RACGAP1: variants seen among roughly 807,000 people sequenced by gnomAD.
RACGAP1 encodes rac GTPase-activating protein 1.
In RACGAP1, 30 loss-of-function variants were observed where a neutral mutation model predicts 78.1. The observed-to-expected ratio is 0.38, with a 90% CI of 0.29 to 0.52. The LOEUF (loss-of-function observed/expected upper bound fraction) is 0.52, where lower values mean the gene tolerates loss of function less well. Among genes scored for constraint, RACGAP1 ranks in the 20% least tolerant of loss-of-function variants. RACGAP1 has a pLI of 0.82. For missense variants in RACGAP1, 587 were observed against 777.1 expected, an observed-to-expected ratio of 0.76 and a Z score of 2.91; for synonymous variants, 231 against 264.8, an observed-to-expected ratio of 0.87 and a Z score of 1.24.
At chr12:49,994,607 T>A in intron 10 of RACGAP1, 98 bp from the exon 11 acceptor site, 2 of 1,473,088 alleles carry the variant, frequency 1.4e-6, no homozygotes, top group Non-Finnish European at 1.8e-6. Flanking sequence ...ATTCTCAAAC[T>A]GGGACATCAT....
At chr12:50,026,879 A>G (rs1273324689), upstream of RACGAP1, among the ~76,000 whole-genome samples, 4 of 152,046 alleles carry the variant, frequency 2.6e-5, no homozygotes, top group Admixed American at 2.6e-4. Flanking sequence ...GGGTCTCACT[A>G]TGTTGTCCAG....
rs1275993571 is a variant in RACGAP1, at chr12:50,005,286, T to G, written c.395A>C (p.Gln132Pro). 1.7e-5 allele frequency: 28 copies of G among 1,614,222 alleles called. No homozygotes were observed. The highest frequency in any genetic ancestry group is 2.3e-5 in the Non-Finnish European group (27 of 1,180,022). The change falls in exon 4 of 17, where the codon CAA (glutamine) becomes CCA (proline). Residue 132 changes from glutamine (Q) to proline (P), a missense_variant. Gln to Pro is a moderately conservative substitution (Grantham distance 76, BLOSUM62 -1). Transcript: ENST00000312377. ...GTTCCCAGCATTGCTGCTGGATGGTTGGCCTCTGTTGAGAAAAGCCAGAGC... is the reference window on the plus strand; with the variant it reads ...GTTCCCAGCATTGCTGCTGGATGGTGGGCCTCTGTTGAGAAAAGCCAGAGC... ...KSALAFLNRG[Q>P]PSSSNAGNKR...
intron 2 of RACGAP1, among the ~76,000 whole-genome samples, chr12:50,009,638 C>T (rs983342802): frequency 1.3e-5 from 2 of 152,148 alleles, no homozygotes; most frequent in African/African-American, 4.8e-5. Flanking sequence ...ATCTGTTGAA[C>T]AAATGAATGA....
intron 10 of RACGAP1, 44 bp downstream of exon 10, chr12:49,996,996 G>A (rs374715357): frequency 1.6e-5 from 23 of 1,426,914 alleles, no homozygotes; most frequent in African/African-American, 2.9e-5. Flanking sequence ...TTTGAAAGGC[G>A]AATAAAGAGG....
chr12:49,991,873 A>G lies in RACGAP1; in HGVS notation c.1714+125T>C, dbSNP rs575521598. 3.1e-5 allele frequency: 48 copies of G among 1,532,962 alleles called. No individual in the cohort carries two copies. In the East Asian group the frequency reaches 1.1e-3, roughly 35 times the overall value. 95.0% of individuals were successfully genotyped at this position (1,532,962 alleles called of 1,614,324 possible). ...AAAAGCAAAAAAAAATTACGATGGTAGAATTATACAAATTTTCCTTTAATG... is the reference window on the plus strand; with the variant it reads ...AAAAGCAAAAAAAAATTACGATGGTGGAATTATACAAATTTTCCTTTAATG... On this transcript the variant is annotated intron_variant, in intron 15 of 16. Transcript: ENST00000312377.
intron 9 of RACGAP1, among the ~76,000 whole-genome samples, chr12:49,997,506 C>T (rs1438641933): frequency 6.6e-6 from 1 of 152,020 alleles, no homozygotes; most frequent in Admixed American, 6.6e-5. Flanking sequence ...GAACTCCTGA[C>T]CTTGTGATTC....
rs143570421 is a variant in RACGAP1 at position 50,016,040 on chromosome 12, C to T, written c.85+591G>A. Among the ~76,000 whole-genome samples, 255 of 152,120 alleles carry T rather than the reference C, an allele frequency of 1.7e-3. 1 individual carries two copies. Among genetic ancestry groups the T allele is most frequent in the African/African-American group, 5.7e-3 (238 of 41,532 alleles). On this transcript the variant is annotated intron_variant, in intron 2 of 16. Transcript: ENST00000312377. ...ACATCCTAGTAAATTTTTCCCAGTT[C>T]ATGGCACAGAAAATAGTGCCAACTA...
intron 10 of RACGAP1, among the ~76,000 whole-genome samples, chr12:49,995,289 G>A (rs1349333649): frequency 6.6e-6 from 1 of 151,974 alleles, no homozygotes; most frequent in African/African-American, 2.4e-5. Context: ...TGGAGGTTGT[G>A]GTGAGTCGAG....
rs1369435115 is a variant in RACGAP1, at chr12:49,992,038, GT to G, written c.1673del (p.Asn558ThrfsTer15). 10 of 1,614,098 alleles carry G rather than the reference GT, an allele frequency of 6.2e-6. No homozygotes were observed. Among genetic ancestry groups the G allele is most frequent in the Non-Finnish European group, 8.5e-6 (10 of 1,180,026 alleles). Reference protein sequence around the residue: ...ENIDPLHVIENSNAFSTPQTP... With the variant: ...ENIDPLHVIEXSNAFSTPQTP... ...TCTGTGGTGTTGAAAAGGCATTTGA[GT>G]TTTCAATGACATGTAGGGGGTCAAT... On this transcript the variant is annotated frameshift_variant, in exon 15 of 17. Transcript: ENST00000312377. LOFTEE classifies it high-confidence loss of function.
rs370154975 is a variant in RACGAP1, at chr12:50,010,318, C to CT, written c.86-3683dup. ...CTTGGACTTAGCTCTCTTTTTTTAA[C>CT]TTTTTTTTTTTTTTCTTTTTTAAGA... On this transcript the variant is annotated intron_variant, in intron 2 of 16. Transcript: ENST00000312377. Among the ~76,000 whole-genome samples the CT allele has an allele frequency of 3.4e-3, 487 of 142,620 alleles. 1 individual carries two copies. The highest frequency in any genetic ancestry group is 0.018 in the Middle Eastern group (5 of 278). The allele number at this position is 142,620 out of a possible 152,430, so 93.6% of individuals were successfully genotyped here. A position where few individuals can be genotyped will look rare whatever the true frequency, so the allele number is the denominator to read the frequency against.
intron 2 of RACGAP1, among the ~76,000 whole-genome samples, chr12:50,007,003 C>G (rs1008897278): frequency 6.6e-6 from 1 of 152,308 alleles, no homozygotes; most frequent in East Asian, 1.9e-4. Context: ...AGGACAGTTA[C>G]AGCTATAAAA....
At chr12:50,016,959 T>C in intron 1 of RACGAP1, 1 of 1,259,612 alleles carries the variant, frequency 7.9e-7, no homozygotes, top group Non-Finnish European at 1.0e-6. Flanking sequence ...TAACAGCCCC[T>C]CCAATCACTT....
chr12:50,002,284 A>C lies in RACGAP1; in HGVS notation c.512T>G (p.Leu171Trp), dbSNP rs1250859337. The change falls in exon 6 of 17, where the codon TTG becomes TGG. Residue 171 changes from leucine (L) to tryptophan (W), a missense_variant. Transcript: ENST00000312377. ...CTTCTTCAGTTTGAAAGTCTTCACC[A>C]AAGAAGAGTCCCAATCCTGTTGACA... ...TDESLDWDSS[L>W]VKTFKLKKRE... 1 of 1,613,656 alleles carries C rather than the reference A, an allele frequency of 6.2e-7. No homozygotes were observed. Among genetic ancestry groups the C allele is most frequent in the Admixed American group, 1.7e-5 (1 of 59,976 alleles).
rs372808265 is a variant in RACGAP1, at chr12:49,993,357, AG to A, written c.1340-703del. ...ACCTAACTGGAGAGGAAGGAAAGAA[AG>A]GAAGAACACTGTACACAATAACGTA... On this transcript the variant is annotated intron_variant, in intron 12 of 16. Coordinates refer to ENST00000312377, the MANE Select transcript of RACGAP1 (RefSeq NM_001319999.2). Among the ~76,000 whole-genome samples, 11 of 152,354 alleles carry A rather than the reference AG, an allele frequency of 7.2e-5. 1 individual carries two copies. In the South Asian group the frequency reaches 2.3e-3, roughly 32 times the overall value.
intron 10 of RACGAP1, among the ~76,000 whole-genome samples, chr12:49,996,646 AAAAAAAAAAAAAAAAAAAAAAAT>A (rs1043655472): frequency 6.4e-5 from 9 of 141,372 alleles, no homozygotes; most frequent in African/African-American, 2.4e-4. Flanking sequence ...AAAAAAAAAA[AAAAAAAAAAAAAAAAAAAAAAAT>A]GGACACAAGT....
At chr12:50,001,623 CTTATA>C (rs1948681204) in intron 6 of RACGAP1, among the ~76,000 whole-genome samples, 1 of 152,174 alleles carries the variant, frequency 6.6e-6, no homozygotes, top group African/African-American at 2.4e-5. Flanking sequence ...TTATATGAAG[CTTATA>C]TTAGAGCACA....
chr12:49,993,291 G>A (rs1280148345), intron 12 of RACGAP1, among the ~76,000 whole-genome samples: 1 of 152,176 alleles, frequency 6.6e-6, no homozygotes, highest in Non-Finnish European at 1.5e-5. Context: ...CCTTAAGGTA[G>A]GGAGTAAACT....
chr12:50,002,259 C>A lies in RACGAP1; in HGVS notation c.537G>T (p.Lys179Asn). The stretch of plus-strand genomic sequence containing the variant: ...AAATCATACATACCCTCTTTTCTCT[C>A]TTCTTCAGTTTGAAAGTCTTCACCA... The part of the protein sequence containing the change: ...SSLVKTFKLK[K>N]REKRRSTSRQ... The change falls in exon 6 of 17, where the codon AAG becomes AAT. Residue 179 changes from lysine to asparagine, a missense_variant. By Grantham distance (94) the Lys-to-Asn change is moderately conservative. Transcript: ENST00000312377. 6.2e-7 allele frequency: 1 copy of A among 1,613,232 alleles called. No individual in the cohort carries two copies. The highest frequency in any genetic ancestry group is 8.5e-7 in the Non-Finnish European group (1 of 1,179,442).
chr12:50,027,812 C>T (rs868184449), upstream of RACGAP1, among the ~76,000 whole-genome samples: 11 of 152,242 alleles, frequency 7.2e-5, 1 homozygote, highest in South Asian at 1.2e-3. Context: ...GGCAACAGGG[C>T]GTGACTCCAT....
Sources: allele counts gnomAD v4.1 joint callset (sites outside exome capture counted in the v4.1 genomes callset), GRCh38; gene constraint gnomAD v4.1.1; transcripts MANE v1.5; gene names NCBI Gene and HGNC (gene_info 2026-07-23, HGNC 2026-07-21).